The following HOXB3 variants were observed in gnomAD, a reference collection of about 807,000 sequenced individuals.
The protein encoded by HOXB3 is homeobox B3, also known as homeobox protein Hox-B3.
HOXB3 carries 17 observed loss-of-function variants against 29.2 expected under a neutral mutation model. That is an observed-to-expected ratio of 0.58 (90% CI 0.40 to 0.87). The LOEUF (loss-of-function observed/expected upper bound fraction) is 0.87. Among genes scored for constraint, HOXB3 ranks in the 40% least tolerant of loss-of-function variants. The pLI, the probability that HOXB3 is intolerant of heterozygous loss-of-function variation, is 0.00. For missense variants in HOXB3, 637 were observed against 616.3 expected, an observed-to-expected ratio of 1.03 and a Z score of -0.35; for synonymous variants, 317 against 285.9, an observed-to-expected ratio of 1.11 and a Z score of -1.10.
At chr17:48,570,261 A>G in intron 2 of HOXB3, among the ~76,000 whole-genome samples, 1 of 152,166 alleles carries the variant, frequency 6.6e-6, no homozygotes. Flanking sequence ...AAAGAGAGAG[A>G]CACACACAGA....
At chr17:48,577,591 C>T (rs1298105389) in intron 1 of HOXB3, among the ~76,000 whole-genome samples, 1 of 152,222 alleles carries the variant, frequency 6.6e-6, no homozygotes, top group Non-Finnish European at 1.5e-5. Flanking sequence ...TTCATTAAGA[C>T]TGTATCTCCC....
chr17:48,567,653 T>C (rs2069434737), intron 2 of HOXB3, among the ~76,000 whole-genome samples: 1 of 152,206 alleles, frequency 6.6e-6, no homozygotes, highest in Admixed American at 6.5e-5. Flanking sequence ...TGCTCCCTTT[T>C]TGGATGGGGA....
intron 2 of HOXB3, chr17:48,560,399 GT>G (rs3833173): frequency 0.82 from 123,618 of 150,838 alleles, 51,657 homozygotes; most frequent in Non-Finnish European, 0.91. Flanking sequence ...CAGCTCTTTT[GT>G]TTTTTTTTTC....
chr17:48,554,546 C>T lies in HOXB3; in HGVS notation c.-159+985G>A. On this transcript the variant is annotated intron_variant, in intron 3 of 4. Coordinates refer to ENST00000498678, the MANE Select transcript of HOXB3 (RefSeq NM_001384749.1). The surrounding 1 kb of genome is among the most constrained non-coding windows in gnomAD (Gnocchi z 4.1). ...AGACAGGGCTGGGAAGGTTTGTGCA[C>T]CCGGGTAGTCCCTGGCTGCTGCTGC... 1.4e-6 allele frequency: 1 copy of T among 689,672 alleles called. No homozygotes were observed. Among genetic ancestry groups the T allele is most frequent in the East Asian group, 2.7e-5 (1 of 37,106 alleles). 42.7% of individuals were successfully genotyped at this position (689,672 alleles called of 1,614,324 possible). A position where few individuals can be genotyped will look rare whatever the true frequency, so the allele number is the denominator to read the frequency against.
At chr17:48,576,756 G>A (rs760942924) in intron 1 of HOXB3, 6 of 1,574,932 alleles carry the variant, frequency 3.8e-6, no homozygotes, top group Non-Finnish European at 5.2e-6. Context: ...GGGCCGGCCA[G>A]GGGGCCCTCC....
rs778112969 is a variant in HOXB3 at position 48,550,810 on chromosome 17, C to G, written c.820G>C (p.Gly274Arg). Residue 274 changes from glycine to arginine, a missense_variant, in exon 5 of 5, where the codon GGC (glycine) becomes CGC (arginine). By Grantham distance (125) the Gly-to-Arg change is moderately radical. Coordinates refer to ENST00000498678, the MANE Select transcript of HOXB3 (RefSeq NM_001384749.1). ...SPPQPMQSTAGFMNALHSMTP... is the reference protein window; with the variant it reads ...SPPQPMQSTARFMNALHSMTP... Reference sequence around the variant, plus strand: ...ATGGAGTGTAAGGCGTTCATGAAGCCGGCCGTGGACTGCATGGGCTGCGGG... The same window carrying G: ...ATGGAGTGTAAGGCGTTCATGAAGCGGGCCGTGGACTGCATGGGCTGCGGG... 8.7e-6 allele frequency: 14 copies of G among 1,613,318 alleles called. No individual in the cohort carries two copies. Among genetic ancestry groups the G allele is most frequent in the Non-Finnish European group, 9.3e-6 (11 of 1,179,722 alleles).
intron 1 of HOXB3, among the ~76,000 whole-genome samples, chr17:48,574,857 A>C (rs1029436588): frequency 2.6e-5 from 4 of 152,254 alleles, no homozygotes; most frequent in Non-Finnish European, 5.9e-5. Context: ...TTAATACTGG[A>C]GCAAGGCTTC....
In HOXB3 at chr17:48,579,943, A is replaced by G. The variant is rs764316755; in HGVS notation, c.-424-5929T>C. 4 of 516,252 alleles carry G rather than the reference A, an allele frequency of 7.7e-6. No homozygotes were observed. The Admixed American group carries it at 8.5e-5, about 11-fold the overall frequency. 32.0% of individuals were successfully genotyped at this position (516,252 alleles called of 1,614,324 possible). The stretch of plus-strand genomic sequence containing the variant: ...TACAGGGTATATACAGAAGACAGAC[A>G]GATCTTCTTGGCCCAGAAATTTTCC... On this transcript the variant is annotated intron_variant, in intron 1 of 4. Coordinates refer to ENST00000498678, the MANE Select transcript of HOXB3 (RefSeq NM_001384749.1).
chr17:48,549,956 T>C lies in HOXB3; in HGVS notation c.*378A>G, dbSNP rs990046275. 8 of 180,132 alleles carry C rather than the reference T, an allele frequency of 4.4e-5. No individual in the cohort carries two copies. The highest frequency in any genetic ancestry group is 7.1e-5 in the Non-Finnish European group (6 of 84,534). The allele number at this position is 180,132 out of a possible 1,614,324, so 11.2% of individuals were successfully genotyped here. ...CCTACAAAGATGTAAGGTAAGTCCG[T>C]TGGTTGGTGATGGCCTAGCCATCTT... On this transcript the variant is annotated 3_prime_UTR_variant, in exon 5 of 5. Transcript: ENST00000498678.
Position 48,550,272 on chromosome 17 carries a change from C to A in HOXB3, c.*62G>T. On this transcript the variant is annotated 3_prime_UTR_variant, in exon 5 of 5. Transcript: ENST00000498678. ...CCTCTTTTCAGACCTCCAGGTTGCCCCCCAGAGCTCCACAGTCTCTCTCTT... is the reference window on the plus strand; with the variant it reads ...CCTCTTTTCAGACCTCCAGGTTGCCACCCAGAGCTCCACAGTCTCTCTCTT... 6 of 1,605,810 alleles carry A rather than the reference C, an allele frequency of 3.7e-6. No homozygotes were observed. The highest frequency in any genetic ancestry group is 5.1e-6 in the Non-Finnish European group (6 of 1,177,138).
intron 1 of HOXB3, chr17:48,580,164 C>T (rs1022627002): frequency 8.1e-6 from 2 of 246,642 alleles, no homozygotes; most frequent in South Asian, 3.9e-5. Context: ...AGAACCTTGC[C>T]TCCGCCGCCG....
chr17:48,577,117 T>TCTC (rs1479409155), intron 1 of HOXB3: 2 of 1,216,310 alleles, frequency 1.6e-6, no homozygotes, highest in Non-Finnish European at 2.3e-6. Flanking sequence ...CCTCCCTCCC[T>TCTC]CTCCCGCCAC....
Position 48,555,309 on chromosome 17 carries a change from C to A in HOXB3, c.-159+222G>T, listed in dbSNP as rs189418418. ...GAGAGAGGAGAAAAGAGGAGAGAAG[C>A]AGGAAGAGAGAGGGGAGAGAGAGAG... On this transcript the variant is annotated intron_variant, in intron 3 of 4. Transcript: ENST00000498678. 29 of 547,276 alleles carry A rather than the reference C, an allele frequency of 5.3e-5. No homozygotes were observed. The East Asian group carries it at 9.0e-4, about 17-fold the overall frequency. 33.9% of individuals were successfully genotyped at this position (547,276 alleles called of 1,614,324 possible). A position where few individuals can be genotyped will look rare whatever the true frequency, so the allele number is the denominator to read the frequency against.
chr17:48,563,013 C>T (rs1323350695), intron 2 of HOXB3, among the ~76,000 whole-genome samples: 1 of 152,216 alleles, frequency 6.6e-6, no homozygotes, highest in Non-Finnish European at 1.5e-5. Context: ...CACAAGGCTG[C>T]CAAGGTCCAG....
intron 2 of HOXB3, among the ~76,000 whole-genome samples, chr17:48,558,940 T>A (rs920013496): frequency 2.0e-3 from 293 of 148,924 alleles, no homozygotes; most frequent in African/African-American, 6.0e-3. Flanking sequence ...TGTGTGTGTG[T>A]GAGAGAGAGA....
chr17:48,555,478 G>A (rs1447381000), intron 3 of HOXB3, 53 bp downstream of exon 3: 1 of 702,108 alleles, frequency 1.4e-6, no homozygotes, highest in East Asian at 2.7e-5. Context: ...ATAAATCATT[G>A]AGACATACTC....
Position 48,549,089 on chromosome 17 carries a change from C to G in HOXB3, c.*1245G>C, listed in dbSNP as rs2068618696. ...ACGAGTTTAACATAAATCTACAGCT[C>G]TTTTCTAGAGTACAATAGTAACTAA... On this transcript the variant is annotated 3_prime_UTR_variant, in exon 5 of 5. Transcript: ENST00000498678. 1 of 152,656 alleles carries G rather than the reference C, an allele frequency of 6.6e-6. No individual in the cohort carries two copies. Among genetic ancestry groups the G allele is most frequent in the Non-Finnish European group, 1.5e-5 (1 of 68,058 alleles). The allele number at this position is 152,656 out of a possible 1,614,324, so 9.5% of individuals were successfully genotyped here. A position where few individuals can be genotyped will look rare whatever the true frequency, so the allele number is the denominator to read the frequency against.
At chr17:48,555,335 GGAGAGAGAGAGAGA>G (rs763845981) in intron 3 of HOXB3, 182 bp downstream of exon 3, 2 of 459,376 alleles carry the variant, frequency 4.4e-6, no homozygotes, top group African/African-American at 6.9e-5. Context: ...AGAGAGAGAG[GGAGAGAGAGAGAGA>G]GAGAGAGAGA....
At chr17:48,563,059 C>T (rs759882780) in intron 2 of HOXB3, among the ~76,000 whole-genome samples, 6 of 152,224 alleles carry the variant, frequency 3.9e-5, no homozygotes, top group Non-Finnish European at 7.3e-5. Flanking sequence ...TTCCCTACCA[C>T]ACCAAGCCTT....
Sources: allele counts gnomAD v4.1 joint callset (sites outside exome capture counted in the v4.1 genomes callset), GRCh38; gene constraint gnomAD v4.1.1; non-coding constraint Gnocchi (gnomAD v3.1); transcripts MANE v1.5; gene names NCBI Gene and HGNC (gene_info 2026-07-23, HGNC 2026-07-21).